The following UBN2 variants were observed in gnomAD, a reference collection of about 807,000 sequenced individuals.
UBN2 encodes ubinuclein 2.
UBN2 carries 35 observed loss-of-function variants against 120.2 expected under a neutral mutation model. That is an observed-to-expected ratio of 0.29 (90% CI 0.22 to 0.39). The LOEUF is 0.39. Among genes scored for constraint, UBN2 ranks in the 10% least tolerant of loss-of-function variants. UBN2 has a pLI of 1.00. For synonymous variants in UBN2, 661 were observed against 648.7 expected (o/e 1.02, Z -0.29); for missense variants, 1,693 against 1,663.2 (o/e 1.02, Z -0.31).
At chr7:139,323,591 TA>T in the UBN2 span, among the ~76,000 whole-genome samples, 1 of 143,208 alleles carries the variant, frequency 7.0e-6, no homozygotes, top group Non-Finnish European at 1.5e-5. Context: ...TTATTATTAT[TA>T]TTATTATTAT....
Position 139,266,627 on chromosome 7 carries a change from C to T in UBN2, c.1466+224C>T, listed in dbSNP as rs116013622. Among the ~76,000 whole-genome samples, 1,143 of 152,262 alleles carry T rather than the reference C, an allele frequency of 7.5e-3. 16 individuals carry two copies. Among genetic ancestry groups the T allele is most frequent in the African/African-American group, 0.026 (1,098 of 41,540 alleles). The stretch of plus-strand genomic sequence containing the variant: ...TCAAAGCTTCCAATAGTTACAACTG[C>T]CAGAGCAAGTGACGACTATGCAGGT... On this transcript the variant is annotated intron_variant, in intron 7 of 17. Coordinates refer to ENST00000473989, the MANE Select transcript of UBN2 (RefSeq NM_173569.4).
intron 13 of UBN2, among the ~76,000 whole-genome samples, chr7:139,281,144 T>C (rs138602369): frequency 5.9e-5 from 9 of 152,330 alleles, no homozygotes; most frequent in Non-Finnish European, 1.2e-4. Context: ...AATAGAATAA[T>C]AGGATAGGAA....
the UBN2 span, among the ~76,000 whole-genome samples, chr7:139,319,002 C>T: frequency 1.3e-5 from 2 of 152,132 alleles, no homozygotes; most frequent in African/African-American, 4.8e-5. Flanking sequence ...GTCAGGGTTG[C>T]GTTTTTCATT....
chr7:139,250,836 G>C (rs1164116435), intron 2 of UBN2, among the ~76,000 whole-genome samples: 1 of 152,222 alleles, frequency 6.6e-6, no homozygotes, highest in South Asian at 2.1e-4. Flanking sequence ...GCTGGACCCA[G>C]TGGCTCACAC....
chr7:139,285,459 C>T (rs2131044008), intron 15 of UBN2, among the ~76,000 whole-genome samples: 1 of 152,296 alleles, frequency 6.6e-6, no homozygotes, highest in African/African-American at 2.4e-5. Context: ...TGTTCCACTC[C>T]CAATTTTGTA....
chr7:139,321,466 G>T, the UBN2 span, among the ~76,000 whole-genome samples: 1,612 of 152,334 alleles, frequency 0.011, 31 homozygotes, highest in African/African-American at 0.037. Context: ...AGCCCCTGGA[G>T]ATGGCTGCCT....
At chr7:139,242,975 GGT>G (rs1796363949) in intron 2 of UBN2, among the ~76,000 whole-genome samples, 1 of 152,124 alleles carries the variant, frequency 6.6e-6, no homozygotes, top group Admixed American at 6.5e-5. Context: ...TTATAGGACT[GGT>G]GTGTTTTTTA....
intron 12 of UBN2, among the ~76,000 whole-genome samples, chr7:139,278,244 C>T (rs182515919): frequency 2.3e-4 from 34 of 149,342 alleles, no homozygotes; most frequent in African/African-American, 6.9e-4. Flanking sequence ...TTCAGTGGCA[C>T]GATCTCAACT....
Position 139,284,562 on chromosome 7 carries a change from A to G in UBN2, c.3657A>G (p.Thr1219=). The change falls in exon 15 of 18, where the codon ACA becomes ACG. Residue 1219 remains threonine, a synonymous_variant. Coordinates refer to ENST00000473989, the MANE Select transcript of UBN2 (RefSeq NM_173569.4). Reference sequence around the variant, plus strand: ...CTGCCTCAGGGTCTTCAGTGGTAACAGCCAGTGTGCAGGTATGTATGTTCT... The same window carrying G: ...CTGCCTCAGGGTCTTCAGTGGTAACGGCCAGTGTGCAGGTATGTATGTTCT... The part of the protein sequence containing the change: ...PSTASGSSVV[T]ASVQSTAGAS... 2 of 1,610,740 alleles carry G rather than the reference A, an allele frequency of 1.2e-6. No individual in the cohort carries two copies. Among genetic ancestry groups the G allele is most frequent in the African/African-American group, 1.3e-5 (1 of 75,044 alleles).
chr7:139,254,419 AG>A (rs1341150114), intron 3 of UBN2, among the ~76,000 whole-genome samples: 19 of 152,362 alleles, frequency 1.2e-4, no homozygotes, highest in African/African-American at 4.6e-4. Flanking sequence ...CTTACAAAAA[AG>A]GTTGTCAACC....
the UBN2 span, among the ~76,000 whole-genome samples, chr7:139,327,681 T>C: frequency 6.6e-6 from 1 of 152,178 alleles, no homozygotes; most frequent in Admixed American, 6.5e-5. Flanking sequence ...TTCCAACATA[T>C]GAACTTTGGG....
chr7:139,327,351 A>G, the UBN2 span, among the ~76,000 whole-genome samples: 2 of 152,166 alleles, frequency 1.3e-5, no homozygotes, highest in East Asian at 3.8e-4. Context: ...ACATTTTATT[A>G]TTTACTCTGT....
chr7:139,327,749 T>C, the UBN2 span, among the ~76,000 whole-genome samples: 148 of 152,332 alleles, frequency 9.7e-4, 1 homozygote, highest in African/African-American at 3.3e-3. Context: ...GAATGGAAGA[T>C]AAGAGTCTTG....
chr7:139,279,384 A>G, intron 13 of UBN2, 24 bp downstream of exon 13: 1 of 1,564,146 alleles, frequency 6.4e-7, no homozygotes, highest in Non-Finnish European at 8.7e-7. Flanking sequence ...CAAAATATTT[A>G]ATTAGTTATA....
At chr7:139,254,981 G>C (rs530107027) in intron 3 of UBN2, among the ~76,000 whole-genome samples, 1 of 152,214 alleles carries the variant, frequency 6.6e-6, no homozygotes, top group East Asian at 1.9e-4. Context: ...TCACATTAGG[G>C]TTCATTCTTG....
chr7:139,271,272 T>G (rs1218527994), intron 8 of UBN2, among the ~76,000 whole-genome samples: 1 of 152,192 alleles, frequency 6.6e-6, no homozygotes, highest in Non-Finnish European at 1.5e-5. Flanking sequence ...AAAAATCTTT[T>G]TCTTTACCAA....
intron 2 of UBN2, among the ~76,000 whole-genome samples, chr7:139,251,546 C>A (rs1251341602): frequency 1.3e-5 from 2 of 152,176 alleles, no homozygotes; most frequent in Admixed American, 6.5e-5. Flanking sequence ...AGAAGGTGGT[C>A]ACTCATTTCA....
chr7:139,270,513 C>T (rs1797241826), intron 8 of UBN2, among the ~76,000 whole-genome samples: 1 of 152,066 alleles, frequency 6.6e-6, no homozygotes, highest in Non-Finnish European at 1.5e-5. Flanking sequence ...AGGTGATCCG[C>T]CCAGCTTGGC....
At chr7:139,273,165 G>A in intron 9 of UBN2, 132 bp from the exon 10 acceptor site, 2 of 498,896 alleles carry the variant, frequency 4.0e-6, no homozygotes, top group Non-Finnish European at 7.0e-6. Flanking sequence ...GAAGTATTAT[G>A]TGGAAAGGTA....
Sources: allele counts gnomAD v4.1 joint callset (sites outside exome capture counted in the v4.1 genomes callset), GRCh38; gene constraint gnomAD v4.1.1; transcripts MANE v1.5; gene names NCBI Gene and HGNC (gene_info 2026-07-23, HGNC 2026-07-21).